Variants in MTA3 observed in about 807,000 individuals in gnomAD.
MTA3 encodes metastasis associated 1 family member 3, also known as metastasis-associated protein MTA3.
MTA3 carries 34 observed loss-of-function variants against 83.5 expected under a neutral mutation model. The ratio of observed to expected loss-of-function variants is 0.41; its 90% CI spans 0.31 to 0.54. The LOEUF (loss-of-function observed/expected upper bound fraction) is 0.54. MTA3 is among the 20% of genes least tolerant of loss of function. The pLI is 0.33. For missense variants in MTA3, 761 were observed against 726.4 expected (o/e 1.05, Z -0.55); for synonymous variants, 303 against 252.7 (o/e 1.20, Z -1.89).
chr2:42,599,568 C>A (rs369079641), intron 3 of MTA3, among the ~76,000 whole-genome samples: 93 of 151,520 alleles, frequency 6.1e-4, no homozygotes, highest in African/African-American at 2.2e-3. Context: ...CCAGCCCGGG[C>A]GACAGTGTGA....
intron 2 of MTA3, among the ~76,000 whole-genome samples, chr2:42,547,529 C>T (rs1676811231): frequency 6.6e-6 from 1 of 152,210 alleles, no homozygotes; most frequent in Admixed American, 6.5e-5. Context: ...CAGGGTTTCA[C>T]CATGTTGGCC....
rs371160571 is a variant in MTA3, at chr2:42,699,926, TTAGCCTTGAA to T, written c.1025+2095_1025+2104del. Reference sequence around the variant, plus strand: ...ATAGCAATAAGAAAAGGGCCTTGACTTAGCCTTGAATAAATCCAGTATTTATAGATCAGAT... The same window carrying T: ...ATAGCAATAAGAAAAGGGCCTTGACTTAAATCCAGTATTTATAGATCAGAT... On this transcript the variant is annotated intron_variant, in intron 11 of 16. Transcript: ENST00000405094. Among the ~76,000 whole-genome samples the T allele has an allele frequency of 3.7e-3, 568 of 152,264 alleles. 3 individuals carry two copies. The highest frequency in any genetic ancestry group is 0.012 in the African/African-American group (500 of 41,538).
At chr2:42,497,533 C>T (rs1020742010) in intron 2 of MTA3, among the ~76,000 whole-genome samples, 1 of 151,018 alleles carries the variant, frequency 6.6e-6, no homozygotes, top group Non-Finnish European at 1.5e-5. Context: ...TGCAGTGAGC[C>T]GAGATCGCTC....
chr2:42,657,761 C>T (rs1053883088), intron 7 of MTA3, among the ~76,000 whole-genome samples: 2 of 72,576 alleles, frequency 2.8e-5, no homozygotes, highest in Non-Finnish European at 4.9e-5. Flanking sequence ...GACCTCATCT[C>T]TTAAAAAAAA....
chr2:42,523,089 C>T (rs1003773331), intron 2 of MTA3, among the ~76,000 whole-genome samples: 2 of 152,160 alleles, frequency 1.3e-5, no homozygotes, highest in Middle Eastern at 3.4e-3. Context: ...AGAATACAGG[C>T]GTGGGCCATC....
Position 42,748,195 on chromosome 2 carries a change from A to AT in MTA3, c.1760-5178dup, listed in dbSNP as rs1553402275. ...AGGCATGTGCCATCACATCCAGCTA[A>AT]TGTGTTTGTGTGTGTGTGTGTGTGT... On this transcript the variant is annotated intron_variant, in intron 16 of 16. Coordinates refer to ENST00000405094, the MANE Select transcript of MTA3 (RefSeq NM_001330442.2). Among the ~76,000 whole-genome samples, 10 of 57,592 alleles carry AT rather than the reference A, an allele frequency of 1.7e-4. No homozygotes were observed. The East Asian group carries it at 0.011, about 64-fold the overall frequency. The allele number at this position is 57,592 out of a possible 152,430, so 37.8% of individuals were successfully genotyped here. A position where few individuals can be genotyped will look rare whatever the true frequency, so the allele number is the denominator to read the frequency against.
chr2:42,525,600 T>TC (rs1675663483), intron 2 of MTA3, among the ~76,000 whole-genome samples: 1 of 71,822 alleles, frequency 1.4e-5, no homozygotes, highest in Non-Finnish European at 2.6e-5. Context: ...TTTCCTTCCT[T>TC]CCTTTCCTTC....
intron 2 of MTA3, among the ~76,000 whole-genome samples, chr2:42,574,727 A>G (rs954439980): frequency 6.7e-6 from 1 of 149,354 alleles, no homozygotes; most frequent in African/African-American, 2.6e-5. Context: ...CACCCCGCCT[A>G]ATGTTTAAAT....
At chr2:42,639,188 G>C (rs1340320787) in intron 4 of MTA3, among the ~76,000 whole-genome samples, 2 of 151,550 alleles carry the variant, frequency 1.3e-5, no homozygotes, top group Non-Finnish European at 2.9e-5. Context: ...AGCCCCCTGA[G>C]TAGCTGGGAT....
At chr2:42,619,587 C>T (rs565514920) in intron 4 of MTA3, among the ~76,000 whole-genome samples, 1 of 152,174 alleles carries the variant, frequency 6.6e-6, no homozygotes, top group Non-Finnish European at 1.5e-5. Context: ...GAGTTTCCCC[C>T]ACATTGACCC....
At chr2:42,667,627 G>GT (rs1558562542) in intron 8 of MTA3, among the ~76,000 whole-genome samples, 3,632 of 22,450 alleles carry the variant, frequency 0.16, 94 homozygotes, top group South Asian at 0.37. Context: ...GAGAAAGAGA[G>GT]AGAGAGAGAG....
rs182034400 is a variant in MTA3, at chr2:42,698,256, G to C, written c.1025+422G>C. ...GTTTTCTTGGTTCCAATGGCAATTA[G>C]AACCATATTTGGTAAATGTGTGATA... On this transcript the variant is annotated intron_variant, in intron 11 of 16. Transcript: ENST00000405094. Among the ~76,000 whole-genome samples the C allele has an allele frequency of 7.9e-5, 12 of 152,250 alleles. No individual in the cohort carries two copies. The East Asian group carries it at 2.3e-3, about 29-fold the overall frequency.
chr2:42,667,616 AG>A (rs1690381277), intron 8 of MTA3, among the ~76,000 whole-genome samples: 2 of 69,164 alleles, frequency 2.9e-5, no homozygotes, highest in African/African-American at 1.5e-4. Flanking sequence ...GTGTATAGAG[AG>A]AGAAAGAGAG....
At chr2:42,689,765 A>T in intron 9 of MTA3, among the ~76,000 whole-genome samples, 1 of 144,248 alleles carries the variant, frequency 6.9e-6, no homozygotes, top group Non-Finnish European at 1.5e-5. Context: ...GATACTGATA[A>T]TTTGTGTCTT....
At chr2:42,526,956 A>T (rs1675735600) in intron 2 of MTA3, among the ~76,000 whole-genome samples, 1 of 146,326 alleles carries the variant, frequency 6.8e-6, no homozygotes, top group South Asian at 2.3e-4. Flanking sequence ...CGAGAAGCTG[A>T]GGCAGGAGAA....
intron 3 of MTA3, among the ~76,000 whole-genome samples, chr2:42,608,708 C>T (rs994066231): frequency 2.0e-5 from 3 of 152,052 alleles, no homozygotes; most frequent in Admixed American, 6.6e-5. Context: ...CATGGTGTAA[C>T]GCTGTCTCTA....
At chr2:42,559,273 G>C (rs992875533) in intron 2 of MTA3, among the ~76,000 whole-genome samples, 2 of 148,800 alleles carry the variant, frequency 1.3e-5, no homozygotes, top group African/African-American at 2.5e-5. Context: ...AGGTCAAGGA[G>C]GGTGGATCAC....
At position 42,674,064 on chromosome 2, in the gene MTA3, A is replaced by G. The variant is rs571934806; in HGVS notation, c.703-8337A>G. Among the ~76,000 whole-genome samples the G allele has an allele frequency of 1.0e-3, 157 of 152,332 alleles. 3 individuals carry two copies. In the South Asian group the frequency reaches 0.018, roughly 17 times the overall value. ...GGCTCTGATGTAGGTGCCAAGCTATAGGTTGGGTCCAGATCTGCTCCATGT... is the reference window on the plus strand; with the variant it reads ...GGCTCTGATGTAGGTGCCAAGCTATGGGTTGGGTCCAGATCTGCTCCATGT... On this transcript the variant is annotated intron_variant, in intron 8 of 16. Transcript: ENST00000405094.
chr2:42,586,543 AC>A lies in MTA3; in HGVS notation c.190+7344del, dbSNP rs1680332696. Reference sequence around the variant, plus strand: ...ACACAAAGGAAGGAAAAACACACACACACAAGGAAGGAAAACACACACACAC... The same window carrying A: ...ACACAAAGGAAGGAAAAACACACACAACAAGGAAGGAAAACACACACACAC... On this transcript the variant is annotated intron_variant, in intron 3 of 16. Coordinates refer to ENST00000405094, the MANE Select transcript of MTA3 (RefSeq NM_001330442.2). Among the ~76,000 whole-genome samples, 24 of 145,058 alleles carry A rather than the reference AC, an allele frequency of 1.7e-4. 1 individual carries two copies. The highest frequency in any genetic ancestry group is 5.6e-4 in the African/African-American group (22 of 39,116).
Sources: allele counts gnomAD v4.1 joint callset (sites outside exome capture counted in the v4.1 genomes callset), GRCh38; gene constraint gnomAD v4.1.1; transcripts MANE v1.5; gene names NCBI Gene and HGNC (gene_info 2026-07-23, HGNC 2026-07-21).